Variants in SLC24A2 observed in about 807,000 individuals in gnomAD.
SLC24A2 encodes sodium/potassium/calcium exchanger 2.
Under a neutral mutation model 62.0 loss-of-function variants are expected in SLC24A2, and 36 were observed. The observed-to-expected ratio is 0.58, with a 90% CI of 0.44 to 0.77. The LOEUF is 0.77. Among genes scored for constraint, SLC24A2 ranks in the 30% least tolerant of loss-of-function variants. SLC24A2 has a pLI of 0.00. For missense variants in SLC24A2, 846 were observed against 817.9 expected (o/e 1.03, Z -0.42); for synonymous variants, 358 against 294.0 (o/e 1.22, Z -2.23).
At chr9:19,806,706 C>CT in the SLC24A2 span, among the ~76,000 whole-genome samples, 23 of 152,208 alleles carry the variant, frequency 1.5e-4, no homozygotes, top group South Asian at 3.9e-3. Flanking sequence ...CTGGTTTCTT[C>CT]TAGTCATTTA....
chr9:19,699,549 G>A (rs1564048202), intron 2 of SLC24A2, among the ~76,000 whole-genome samples: 1 of 151,962 alleles, frequency 6.6e-6, no homozygotes, highest in Non-Finnish European at 1.5e-5. Context: ...TAATGACCTG[G>A]GAAAATATTC....
chr9:19,764,049 A>G (rs1224139204), intron 2 of SLC24A2, among the ~76,000 whole-genome samples: 3 of 152,088 alleles, frequency 2.0e-5, no homozygotes, highest in Non-Finnish European at 2.9e-5. Flanking sequence ...GGGAGGATAT[A>G]TGTGTCCAGG....
Position 19,603,514 on chromosome 9 carries a change from A to G in SLC24A2, c.1079-6235T>C, listed in dbSNP as rs140284245. On this transcript the variant is annotated intron_variant, in intron 4 of 10. Coordinates refer to ENST00000341998, the MANE Select transcript of SLC24A2 (RefSeq NM_020344.4). The stretch of plus-strand genomic sequence containing the variant: ...ACAGGGTGAGGGGAGGGAGGGGGGC[A>G]CTAAGGTGATGCTGATGCTTCTGTA... Among the ~76,000 whole-genome samples, 167 of 152,026 alleles carry G rather than the reference A, an allele frequency of 1.1e-3. 1 individual carries two copies. Among genetic ancestry groups the G allele is most frequent in the African/African-American group, 3.8e-3 (159 of 41,350 alleles).
the SLC24A2 span, among the ~76,000 whole-genome samples, chr9:20,209,713 T>TGATATTTTTCCGACCAC: frequency 1.2e-4 from 18 of 152,282 alleles, no homozygotes; most frequent in South Asian, 3.5e-3. Context: ...TCACAGACTT[T>TGATATTTTTCCGACCAC]GATATTTTTC....
intron 4 of SLC24A2, among the ~76,000 whole-genome samples, chr9:19,614,792 T>C (rs923456258): frequency 3.3e-5 from 5 of 152,054 alleles, no homozygotes; most frequent in Non-Finnish European, 7.4e-5. Flanking sequence ...GGGGACCCAG[T>C]TGAGCCCAGC....
At chr9:19,733,170 G>C (rs1161898043) in intron 2 of SLC24A2, among the ~76,000 whole-genome samples, 1 of 151,782 alleles carries the variant, frequency 6.6e-6, no homozygotes, top group South Asian at 2.1e-4. Flanking sequence ...GCCCTTTGGT[G>C]CCTGAGTCTC....
the SLC24A2 span, among the ~76,000 whole-genome samples, chr9:19,794,559 G>A: frequency 1.4e-5 from 2 of 147,368 alleles, no homozygotes; most frequent in Non-Finnish European, 3.0e-5. Context: ...AAACCTGCCT[G>A]TTTACCTCTG....
At chr9:20,149,385 A>G in the SLC24A2 span, among the ~76,000 whole-genome samples, 123,461 of 151,898 alleles carry the variant, frequency 0.81, 51,477 homozygotes, top group Non-Finnish European at 0.92. Context: ...AAGTTAGCAA[A>G]TAGTAACTTC....
intron 7 of SLC24A2, among the ~76,000 whole-genome samples, chr9:19,558,730 C>T (rs1835234888): frequency 6.6e-6 from 1 of 152,228 alleles, no homozygotes. Flanking sequence ...AAAACAGCAT[C>T]ATCTTTAAAC....
At chr9:19,788,404 C>T in intron 1 of SLC24A2, 1 of 654,134 alleles carries the variant, frequency 1.5e-6, no homozygotes, top group Non-Finnish European at 1.9e-6. Flanking sequence ...ACCCACCGCT[C>T]GTCTCCCCGG....
At chr9:19,872,341 C>A in the SLC24A2 span, among the ~76,000 whole-genome samples, 1 of 152,284 alleles carries the variant, frequency 6.6e-6, no homozygotes, top group South Asian at 2.1e-4. Context: ...ATGCCTAATT[C>A]CTCACTTCAA....
chr9:20,303,246 G>T, the SLC24A2 span, among the ~76,000 whole-genome samples: 3 of 151,982 alleles, frequency 2.0e-5, no homozygotes, highest in African/African-American at 4.8e-5. Flanking sequence ...GAACCCTGAG[G>T]GGAAACAGGG....
At chr9:19,611,782 G>A (rs1424883178) in intron 4 of SLC24A2, among the ~76,000 whole-genome samples, 1 of 152,154 alleles carries the variant, frequency 6.6e-6, no homozygotes, top group Non-Finnish European at 1.5e-5. Context: ...ACTGGACAAA[G>A]TTACTAGGGA....
chr9:19,691,027 T>G (rs1023909864), intron 2 of SLC24A2, among the ~76,000 whole-genome samples: 9 of 152,124 alleles, frequency 5.9e-5, no homozygotes, highest in African/African-American at 2.2e-4. Context: ...ATTAGTTAAA[T>G]AATGAAAACC....
chr9:20,147,319 A>G, the SLC24A2 span, among the ~76,000 whole-genome samples: 4 of 152,274 alleles, frequency 2.6e-5, no homozygotes, highest in Non-Finnish European at 4.4e-5. Context: ...CAGGTCTGCT[A>G]AACATGTAAA....
the SLC24A2 span, among the ~76,000 whole-genome samples, chr9:19,909,225 C>A: frequency 0.013 from 2,029 of 152,026 alleles, 53 homozygotes; most frequent in African/African-American, 0.046. Context: ...AGCAAACTAT[C>A]ACAAGGACAA....
chr9:20,087,019 G>T, the SLC24A2 span, among the ~76,000 whole-genome samples: 1 of 152,152 alleles, frequency 6.6e-6, no homozygotes, highest in African/African-American at 2.4e-5. Flanking sequence ...ATACTTCAAA[G>T]GTGGCTGTGA....
At chr9:19,770,392 T>C (rs1007437323) in intron 2 of SLC24A2, among the ~76,000 whole-genome samples, 2 of 151,698 alleles carry the variant, frequency 1.3e-5, no homozygotes, top group African/African-American at 4.9e-5. Flanking sequence ...ATTAATACTA[T>C]ATGCATTTTT....
At chr9:19,962,273 A>G in the SLC24A2 span, among the ~76,000 whole-genome samples, 1 of 152,232 alleles carries the variant, frequency 6.6e-6, no homozygotes, top group African/African-American at 2.4e-5. Context: ...GTAGCCTTGT[A>G]GTATAGTTTG....
Sources: allele counts gnomAD v4.1 joint callset (sites outside exome capture counted in the v4.1 genomes callset), GRCh38; gene constraint gnomAD v4.1.1; transcripts MANE v1.5; gene names NCBI Gene and HGNC (gene_info 2026-07-23, HGNC 2026-07-21).